Variants in SUCLG2 observed in about 807,000 individuals in gnomAD.
SUCLG2 encodes the protein succinate--CoA ligase [GDP-forming] subunit beta, mitochondrial.
Under a neutral mutation model 47.9 loss-of-function variants are expected in SUCLG2, and 42 were observed. That is an observed-to-expected ratio of 0.88 (90% confidence interval 0.69 to 1.14). The LOEUF (loss-of-function observed/expected upper bound fraction) is 1.14. SUCLG2 is among the 50% of genes most tolerant of loss of function. The pLI is 0.00. For missense variants in SUCLG2, 571 were observed against 525.9 expected (o/e 1.09, Z -0.84); for synonymous variants, 195 against 197.3 (o/e 0.99, Z 0.10).
intron 9 of SUCLG2, among the ~76,000 whole-genome samples, chr3:67,417,099 G>GA (rs1010346323): frequency 6.6e-6 from 1 of 151,356 alleles, no homozygotes; most frequent in Non-Finnish European, 1.5e-5. Context: ...GATGAGTCAT[G>GA]AAAAAAAAGA....
intron 9 of SUCLG2, among the ~76,000 whole-genome samples, chr3:67,486,015 G>C (rs1250370873): frequency 6.6e-6 from 1 of 152,218 alleles, no homozygotes; most frequent in East Asian, 1.9e-4. Context: ...GCTCATGTCT[G>C]TAATCCCAGC....
intron 2 of SUCLG2, among the ~76,000 whole-genome samples, chr3:67,560,517 T>C (rs1367367359): frequency 6.6e-6 from 1 of 152,198 alleles, no homozygotes; most frequent in African/African-American, 2.4e-5. Flanking sequence ...GTCTCTAAGC[T>C]AGATGTCCTC....
rs569552756 is a variant in SUCLG2, at chr3:67,648,969, G to C, written c.84+5534C>G. Among the ~76,000 whole-genome samples, 221 of 152,248 alleles carry C rather than the reference G, an allele frequency of 1.5e-3. 1 individual carries two copies. Among genetic ancestry groups the C allele is most frequent in the African/African-American group, 3.6e-3 (150 of 41,528 alleles). On this transcript the variant is annotated intron_variant, in intron 1 of 10. Transcript: ENST00000307227. ...TACATTCTTAAACTTGTAGGAGAGC[G>C]GGGAAGACGGCCAATGAACAAATAA...
chr3:67,596,918 A>C (rs1174783828), intron 2 of SUCLG2, among the ~76,000 whole-genome samples: 1 of 152,218 alleles, frequency 6.6e-6, no homozygotes, highest in Non-Finnish European at 1.5e-5. Context: ...CATATTTGGG[A>C]CACCTTTAAA....
chr3:67,482,529 T>G (rs1003203576), intron 9 of SUCLG2, among the ~76,000 whole-genome samples: 1 of 152,232 alleles, frequency 6.6e-6, no homozygotes, highest in Non-Finnish European at 1.5e-5. Flanking sequence ...ATATCTATTC[T>G]TTGGAATTTG....
chr3:67,484,538 C>A (rs1030860694), intron 9 of SUCLG2, among the ~76,000 whole-genome samples: 1 of 152,042 alleles, frequency 6.6e-6, no homozygotes, highest in Non-Finnish European at 1.5e-5. Context: ...AAACAAAAAC[C>A]TTGAATGGGG....
intron 2 of SUCLG2, among the ~76,000 whole-genome samples, chr3:67,570,906 T>A (rs950370032): frequency 3.3e-5 from 5 of 152,178 alleles, no homozygotes; most frequent in Non-Finnish European, 7.3e-5. Flanking sequence ...TTTAGCAAAC[T>A]GTTGAAACTG....
intron 9 of SUCLG2, among the ~76,000 whole-genome samples, chr3:67,426,725 C>G (rs1703309492): frequency 6.6e-6 from 1 of 152,100 alleles, no homozygotes; most frequent in Admixed American, 6.6e-5. Flanking sequence ...GTCAGGAGAT[C>G]AAGACCATCC....
chr3:67,636,599 G>A (rs1701014619), intron 1 of SUCLG2, among the ~76,000 whole-genome samples: 1 of 151,284 alleles, frequency 6.6e-6, no homozygotes, highest in South Asian at 2.1e-4. Flanking sequence ...TGATCCACCT[G>A]CCTCGGCCTC....
rs181109806 is a variant in SUCLG2, at chr3:67,376,243, C to T, written c.1184-384G>A. ...TGACCTGATTTGAGAAAGGAAGTTCCGAGAATCTGCCCAGCTATGTCCACA... is the reference window on the plus strand; with the variant it reads ...TGACCTGATTTGAGAAAGGAAGTTCTGAGAATCTGCCCAGCTATGTCCACA... On this transcript the variant is annotated intron_variant, in intron 10 of 10. Transcript: ENST00000307227. 4.6e-4 allele frequency: 450 copies of T among 985,390 alleles called. 1 individual carries two copies. In the African/African-American group the frequency reaches 5.9e-3, roughly 13 times the overall value. 61.0% of individuals were successfully genotyped at this position (985,390 alleles called of 1,614,324 possible).
chr3:67,452,975 T>A (rs1158352491), intron 9 of SUCLG2, among the ~76,000 whole-genome samples: 3 of 152,208 alleles, frequency 2.0e-5, no homozygotes, highest in Non-Finnish European at 2.9e-5. Flanking sequence ...TTCAATGTAA[T>A]CATAGATGAA....
At chr3:67,645,587 G>A (rs959931324) in intron 1 of SUCLG2, among the ~76,000 whole-genome samples, 2 of 152,034 alleles carry the variant, frequency 1.3e-5, no homozygotes, top group Non-Finnish European at 2.9e-5. Context: ...GTTAAAAGCT[G>A]AAAAATTCCT....
chr3:67,373,779 C>T (rs985288044), downstream of SUCLG2, among the ~76,000 whole-genome samples: 1 of 152,080 alleles, frequency 6.6e-6, no homozygotes, highest in African/African-American at 2.4e-5. Context: ...CTCTCTTTCT[C>T]TTCTGAGGAT....
intron 8 of SUCLG2, among the ~76,000 whole-genome samples, chr3:67,496,954 G>T (rs1705359546): frequency 1.3e-5 from 2 of 152,122 alleles, no homozygotes; most frequent in Admixed American, 1.3e-4. Flanking sequence ...AAAACAATTT[G>T]AAATGTGTAA....
intron 2 of SUCLG2, among the ~76,000 whole-genome samples, chr3:67,592,735 AACAAC>A (rs1266614782): frequency 0.14 from 10,848 of 79,250 alleles, 697 homozygotes; most frequent in African/African-American, 0.17. Context: ...AAAAAAAAAA[AACAAC>A]AAAAAAAAAC....
Position 67,514,448 on chromosome 3 carries a change from C to T in SUCLG2, c.660+3799G>A, listed in dbSNP as rs892096216. ...TTCCAGAAATTATCATCAATATTCA[C>T]GTACGCCTCTCAAATCTAGCCAGAA... On this transcript the variant is annotated intron_variant, in intron 6 of 10. Transcript: ENST00000307227. 4.1e-5 allele frequency: 10 copies of T among 246,594 alleles called. No homozygotes were observed. In the South Asian group the frequency reaches 4.5e-4, roughly 11 times the overall value. 15.3% of individuals were successfully genotyped at this position (246,594 alleles called of 1,614,324 possible).
intron 10 of SUCLG2, among the ~76,000 whole-genome samples, chr3:67,397,709 CA>C (rs1175327968): frequency 6.6e-6 from 1 of 152,144 alleles, no homozygotes; most frequent in Non-Finnish European, 1.5e-5. Flanking sequence ...CCAGCATTGC[CA>C]AGTTAACCCT....
At chr3:67,594,398 C>T (rs1213336990) in intron 2 of SUCLG2, among the ~76,000 whole-genome samples, 1 of 152,192 alleles carries the variant, frequency 6.6e-6, no homozygotes, top group Non-Finnish European at 1.5e-5. Flanking sequence ...TTCTGTTTAT[C>T]AAATTGATAA....
intron 9 of SUCLG2, among the ~76,000 whole-genome samples, chr3:67,412,793 A>G (rs907725055): frequency 2.0e-5 from 3 of 152,144 alleles, no homozygotes; most frequent in Non-Finnish European, 4.4e-5. Context: ...TATTGTCATT[A>G]TCAATATTTT....
Sources: gnomAD v4.1 joint callset for allele counts (sites outside exome capture counted in the v4.1 genomes callset) on GRCh38, gnomAD v4.1.1 for gene constraint, MANE v1.5 for transcripts, NCBI Gene and HGNC (gene_info 2026-07-23, HGNC 2026-07-21) for gene names.